The following IFT57 variants were observed in gnomAD, a reference collection of about 807,000 sequenced individuals.
IFT57 encodes intraflagellar transport 57.
Under a neutral mutation model 56.8 loss-of-function variants are expected in IFT57, and 59 were observed. The observed-to-expected ratio is 1.04, with a 90% CI of 0.84 to 1.29. The LOEUF is 1.29. IFT57 is among the 50% of genes most tolerant of loss of function. The pLI, the probability that IFT57 is intolerant of heterozygous loss-of-function variation, is 0.00. For synonymous variants in IFT57, 209 were observed against 186.1 expected (o/e 1.12, Z -1.00); for missense variants, 470 against 522.1 (o/e 0.90, Z 0.97).
At chr3:108,206,888 AG>A (rs1457639283) in intron 4 of IFT57, among the ~76,000 whole-genome samples, 192 bp from the exon 5 acceptor site, 1 of 152,044 alleles carries the variant, frequency 6.6e-6, no homozygotes, top group East Asian at 1.9e-4. Context: ...CTGTTTTTTG[AG>A]GTTTTGATGG....
chr3:108,212,581 C>T (rs1377011729), intron 4 of IFT57, among the ~76,000 whole-genome samples: 1 of 150,252 alleles, frequency 6.7e-6, no homozygotes, highest in African/African-American at 2.4e-5. Flanking sequence ...CCAAAATAAA[C>T]TTCTTTTCTT....
chr3:108,172,546 C>T lies in IFT57; in HGVS notation c.778-4682G>A, dbSNP rs115439011. On this transcript the variant is annotated intron_variant, in intron 6 of 10. Coordinates refer to ENST00000264538, the MANE Select transcript of IFT57 (RefSeq NM_018010.4). ...GCAAGAGACTGAAGGCAGGTAGGGA[C>T]CCAGTTAGAAGGCTAATAGTCCACA... Among the ~76,000 whole-genome samples, 743 of 151,784 alleles carry T rather than the reference C, an allele frequency of 4.9e-3. 2 individuals carry two copies. The highest frequency in any genetic ancestry group is 0.014 in the Middle Eastern group (4 of 294).
chr3:108,170,140 T>C (rs1329619209), intron 6 of IFT57, among the ~76,000 whole-genome samples: 1 of 152,032 alleles, frequency 6.6e-6, no homozygotes, highest in Non-Finnish European at 1.5e-5. Flanking sequence ...TATTGGAAGT[T>C]CTAGCCTGGG....
At position 108,166,937 on chromosome 3, in the gene IFT57, T is replaced by A; in HGVS notation, c.898A>T (p.Ile300Phe). ...HNEITRTLEK[I>F]SSREKYINNQ... is the part of the protein sequence containing the mutation. ...TTGATGTACTTTTCTCGGCTGCTGA[T>A]CTTTTCCAAAGTCCTAGTAATTTCA... Residue 300 changes from isoleucine (I) to phenylalanine (F), a missense_variant, in exon 8 of 11, where the codon ATC (isoleucine) becomes TTC (phenylalanine). Transcript: ENST00000264538. 1 of 1,611,592 alleles carries A rather than the reference T, an allele frequency of 6.2e-7. No homozygotes were observed. Among genetic ancestry groups the A allele is most frequent in the South Asian group, 1.1e-5 (1 of 90,854 alleles).
chr3:108,201,403 G>A (rs992865695), intron 5 of IFT57, among the ~76,000 whole-genome samples: 2 of 152,190 alleles, frequency 1.3e-5, no homozygotes, highest in African/African-American at 4.8e-5. Flanking sequence ...GAGAAGCAGA[G>A]CTTTTTTCTC....
intron 5 of IFT57, among the ~76,000 whole-genome samples, chr3:108,202,995 C>T (rs1229432975): frequency 1.3e-5 from 2 of 152,204 alleles, no homozygotes; most frequent in African/African-American, 2.4e-5. Flanking sequence ...CAGTTACAGG[C>T]TTCAACTATG....
intron 4 of IFT57, among the ~76,000 whole-genome samples, chr3:108,211,864 G>A (rs532747963): frequency 1.5e-4 from 23 of 152,028 alleles, no homozygotes; most frequent in South Asian, 4.2e-4. Context: ...TATTTTTAAC[G>A]TATTTTACAT....
intron 6 of IFT57, among the ~76,000 whole-genome samples, chr3:108,169,909 C>T (rs1448425527): frequency 6.6e-6 from 1 of 151,992 alleles, no homozygotes. Context: ...ACATGATTAT[C>T]CCAATAGATG....
In IFT57 at chr3:108,213,782, G is replaced by A; in HGVS notation, c.585+149C>T. 3 of 560,318 alleles carry A rather than the reference G, an allele frequency of 5.4e-6. No homozygotes were observed. The South Asian group carries it at 8.5e-5, about 16-fold the overall frequency. The allele number at this position is 560,318 out of a possible 1,614,324, so 34.7% of individuals were successfully genotyped here. On this transcript the variant is annotated intron_variant, in intron 4 of 10. Transcript: ENST00000264538. Reference sequence around the variant, plus strand: ...CATTAACTTAACCAAAGGTCTAAATGATGATACTCAGCACTGTATTTAAAA... The same window carrying A: ...CATTAACTTAACCAAAGGTCTAAATAATGATACTCAGCACTGTATTTAAAA...
intron 5 of IFT57, among the ~76,000 whole-genome samples, chr3:108,205,688 G>C (rs1446283894): frequency 3.4e-5 from 5 of 147,736 alleles, no homozygotes; most frequent in Non-Finnish European, 1.5e-5. Flanking sequence ...AGGACTAATA[G>C]AGCATTACTT....
intron 4 of IFT57, among the ~76,000 whole-genome samples, chr3:108,208,767 C>T (rs1367201959): frequency 6.6e-6 from 1 of 152,192 alleles, no homozygotes; most frequent in East Asian, 1.9e-4. Context: ...TTGGGCTCCT[C>T]ATACCTCTGA....
rs377596960 is a variant in IFT57, at chr3:108,191,524, A to G, written c.774T>C (p.Asn258=). ...PQLKVTIRTD[N]KDWRIHVDQM... is the part of the protein sequence containing the mutation. Reference sequence around the variant, plus strand: ...AAATGTGTTCCCACTTTGATACCTTATTGTCAGTCCTAATCGTGACTTTCA... The same window carrying G: ...AAATGTGTTCCCACTTTGATACCTTGTTGTCAGTCCTAATCGTGACTTTCA... The change falls in exon 6 of 11, where the codon AAT becomes AAC. Residue 258 remains asparagine (N), a synonymous_variant. Transcript: ENST00000264538. The G allele has an allele frequency of 6.5e-5, 102 of 1,569,412 alleles. 1 individual carries two copies. The highest frequency in any genetic ancestry group is 6.7e-5 in the Non-Finnish European group (78 of 1,161,410).
At chr3:108,222,082 C>T (rs369757574) in intron 1 of IFT57, 29 bp downstream of exon 1, 1 of 1,564,454 alleles carries the variant, frequency 6.4e-7, no homozygotes. Context: ...CTAGCAGGCA[C>T]CCGGGCGCTC....
At chr3:108,181,459 T>C (rs2080150803) in intron 6 of IFT57, among the ~76,000 whole-genome samples, 1 of 152,094 alleles carries the variant, frequency 6.6e-6, no homozygotes, top group African/African-American at 2.4e-5. Flanking sequence ...CTGTTTTATG[T>C]AGTCTCTCTT....
At chr3:108,184,228 A>C (rs10514752) in intron 6 of IFT57, among the ~76,000 whole-genome samples, 14,644 of 152,160 alleles carry the variant, frequency 0.096, 766 homozygotes, top group Middle Eastern at 0.12. Context: ...CTTTAGACAC[A>C]TTATTCCAAC....
At chr3:108,201,645 G>A (rs1024368603) in intron 5 of IFT57, among the ~76,000 whole-genome samples, 1 of 152,036 alleles carries the variant, frequency 6.6e-6, no homozygotes, top group Non-Finnish European at 1.5e-5. Flanking sequence ...TTCTCCTTAA[G>A]CAGGAATCAA....
chr3:108,198,920 C>T (rs1283298993), intron 5 of IFT57, among the ~76,000 whole-genome samples: 1 of 152,100 alleles, frequency 6.6e-6, no homozygotes, highest in African/African-American at 2.4e-5. Flanking sequence ...GCTTCATATA[C>T]TAACATTACC....
In IFT57 at chr3:108,162,568, G is replaced by A; in HGVS notation, c.1199C>T (p.Thr400Ile). 4 of 1,613,088 alleles carry A rather than the reference G, an allele frequency of 2.5e-6. No homozygotes were observed. Among genetic ancestry groups the A allele is most frequent in the Non-Finnish European group, 3.4e-6 (4 of 1,179,266 alleles). ...CTCCTTCAGCTTTGATTGGAGTAGTGTGTGTTCCACAATGCCAATTCTAAT... is the reference window on the plus strand; with the variant it reads ...CTCCTTCAGCTTTGATTGGAGTAGTATGTGTTCCACAATGCCAATTCTAAT... The part of the protein sequence containing the change: ...MDIRIGIVEH[T>I]LLQSKLKEKS... The change falls in exon 11 of 11, where the codon ACA becomes ATA. Residue 400 changes from threonine to isoleucine, a missense_variant. Physicochemically the swap from Thr to Ile is moderately conservative, Grantham distance 89. Coordinates refer to ENST00000264538, the MANE Select transcript of IFT57 (RefSeq NM_018010.4).
intron 6 of IFT57, among the ~76,000 whole-genome samples, chr3:108,172,019 T>C (rs2080095735): frequency 6.6e-6 from 1 of 151,948 alleles, no homozygotes; most frequent in Non-Finnish European, 1.5e-5. Context: ...GTTTGTGTTC[T>C]GCTATTTCTA....
Sources: allele counts gnomAD v4.1 joint callset (sites outside exome capture counted in the v4.1 genomes callset), GRCh38; gene constraint gnomAD v4.1.1; transcripts MANE v1.5; gene names NCBI Gene and HGNC (gene_info 2026-07-23, HGNC 2026-07-21).